GPATCH1: variants seen among roughly 807,000 people sequenced by gnomAD.
GPATCH1 encodes the protein G-patch domain containing 1, also known as G patch domain-containing protein 1.
GPATCH1 carries 73 observed loss-of-function variants against 114.9 expected under a neutral mutation model. The ratio of observed to expected loss-of-function variants is 0.64; its 90% CI spans 0.53 to 0.77. The LOEUF (loss-of-function observed/expected upper bound fraction) is 0.77. Among genes scored for constraint, GPATCH1 ranks in the 30% least tolerant of loss-of-function variants. The probability of loss-of-function intolerance (pLI) is 0.00; values close to 1 mark genes in which losing one functional copy is unlikely to be tolerated. For missense variants in GPATCH1, 1,058 were observed against 1,144.3 expected (o/e 0.92, Z 1.09); for synonymous variants, 391 against 428.4 (o/e 0.91, Z 1.08).
chr19:33,113,692 G>C, intron 13 of GPATCH1, 75 bp from the exon 14 acceptor site: 1 of 1,332,672 alleles, frequency 7.5e-7, no homozygotes, highest in African/African-American at 1.4e-5. Flanking sequence ...TGGAAAACTT[G>C]AGATGGAAAG....
chr19:33,107,826 C>CTT (rs1042779669), intron 10 of GPATCH1, among the ~76,000 whole-genome samples: 1 of 149,356 alleles, frequency 6.7e-6, no homozygotes, highest in African/African-American at 2.5e-5. Flanking sequence ...AGGCCTAATT[C>CTT]TTTTTTTTTT....
intron 9 of GPATCH1, among the ~76,000 whole-genome samples, chr19:33,105,567 A>G (rs905435073): frequency 1.3e-5 from 2 of 152,138 alleles, no homozygotes; most frequent in African/African-American, 2.4e-5. Context: ...TCTGTCACCC[A>G]GGCTGGAGTG....
At chr19:33,090,643 A>G (rs895388749) in intron 2 of GPATCH1, 137 bp from the exon 3 acceptor site, 3 of 591,224 alleles carry the variant, frequency 5.1e-6, no homozygotes, top group African/African-American at 1.8e-5. Context: ...AATTACGTCT[A>G]TATAAGCACT....
At chr19:33,104,347 G>GAA (rs1568343920) in intron 9 of GPATCH1, among the ~76,000 whole-genome samples, 7 of 140,550 alleles carry the variant, frequency 5.0e-5, no homozygotes, top group East Asian at 4.2e-4. Flanking sequence ...TCAAAAAAAA[G>GAA]AAAGAAATAC....
rs754190689 is a variant in GPATCH1, at chr19:33,117,806, T to C, written c.2197-19T>C. 3 of 1,582,736 alleles carry C rather than the reference T, an allele frequency of 1.9e-6. No homozygotes were observed. In the South Asian group the frequency reaches 3.3e-5, roughly 18 times the overall value. The stretch of plus-strand genomic sequence containing the variant: ...CCCTTGCCTCTGTATCCCTGACTCT[T>C]ATTTCACTGTCAATACAGACCGTCA... On this transcript the variant is annotated intron_variant, in intron 15 of 19. Transcript: ENST00000170564.
At chr19:33,110,092 T>C in intron 11 of GPATCH1, 76 bp downstream of exon 11, 2 of 1,240,600 alleles carry the variant, frequency 1.6e-6, no homozygotes, top group South Asian at 2.9e-5. Flanking sequence ...CCTAGACCCA[T>C]ATTTACAGTT....
intron 16 of GPATCH1, 97 bp from the exon 17 acceptor site, chr19:33,118,913 C>A: frequency 1.5e-6 from 1 of 684,602 alleles, no homozygotes; most frequent in Non-Finnish European, 2.5e-6. Context: ...GTGGTGTGGG[C>A]AAGCATATGT....
intron 17 of GPATCH1, among the ~76,000 whole-genome samples, chr19:33,120,871 T>TC (rs1430368937): frequency 6.6e-6 from 1 of 151,616 alleles, no homozygotes; most frequent in Non-Finnish European, 1.5e-5. Flanking sequence ...GTGCCTGTAG[T>TC]CCCAGCTGCT....
chr19:33,094,091 C>A, intron 4 of GPATCH1, 81 bp from the exon 5 acceptor site: 1 of 799,130 alleles, frequency 1.3e-6, no homozygotes, highest in Non-Finnish European at 2.2e-6. Flanking sequence ...AGGAACTGAG[C>A]AGGAACTCAG....
chr19:33,106,390 A>T (rs1004576588), intron 9 of GPATCH1, among the ~76,000 whole-genome samples: 2 of 152,162 alleles, frequency 1.3e-5, no homozygotes, highest in Non-Finnish European at 2.9e-5. Context: ...CCTGACATTT[A>T]TGATCTATTG....
chr19:33,100,984 T>C (rs1348677895), intron 8 of GPATCH1, among the ~76,000 whole-genome samples: 2 of 152,120 alleles, frequency 1.3e-5, no homozygotes, highest in African/African-American at 4.8e-5. Context: ...TCTGTGATCT[T>C]TATGTCTTGT....
intron 1 of GPATCH1, among the ~76,000 whole-genome samples, chr19:33,086,978 AAAAT>A (rs201783961): frequency 0.02 from 2,997 of 152,200 alleles, 79 homozygotes; most frequent in African/African-American, 0.069. Context: ...TCAAAAAAAA[AAAAT>A]AAATAAAGTA....
intron 3 of GPATCH1, among the ~76,000 whole-genome samples, chr19:33,092,169 C>A (rs1193891183): frequency 3.3e-5 from 5 of 151,894 alleles, no homozygotes; most frequent in Non-Finnish European, 7.4e-5. Context: ...GCCTCAGCTT[C>A]CCCCGAGTAG....
chr19:33,109,173 C>T (rs939057378), intron 10 of GPATCH1, among the ~76,000 whole-genome samples: 68 of 151,976 alleles, frequency 4.5e-4, no homozygotes, highest in African/African-American at 1.6e-3. Context: ...GCCATGATCA[C>T]ACCACCGTAC....
chr19:33,104,109 C>A (rs985137311), intron 9 of GPATCH1, among the ~76,000 whole-genome samples: 1 of 151,526 alleles, frequency 6.6e-6, no homozygotes, highest in African/African-American at 2.4e-5. Flanking sequence ...GCGGGCAGAT[C>A]GCTAGAGTCC....
chr19:33,092,288 T>G (rs1402591366), intron 3 of GPATCH1, among the ~76,000 whole-genome samples: 1 of 151,982 alleles, frequency 6.6e-6, no homozygotes, highest in East Asian at 1.9e-4. Flanking sequence ...TGACCTCAGG[T>G]GATCCACCCA....
chr19:33,130,426 A>G lies in GPATCH1; in HGVS notation c.*266A>G, dbSNP rs1389551221. 8.3e-6 allele frequency: 3 copies of G among 360,124 alleles called. No homozygotes were observed. Among genetic ancestry groups the G allele is most frequent in the Non-Finnish European group, 1.5e-5 (3 of 203,734 alleles). The allele number at this position is 360,124 out of a possible 1,614,324, so 22.3% of individuals were successfully genotyped here. A position where few individuals can be genotyped will look rare whatever the true frequency, so the allele number is the denominator to read the frequency against. ...TTTTCTATTTTCTTCTTGATTTTTA[A>G]AAAATTTCCTGGGACGTTAAAAAAG... is the stretch of plus-strand genomic sequence containing the variant. On this transcript the variant is annotated 3_prime_UTR_variant, in exon 20 of 20. Transcript: ENST00000170564.
chr19:33,117,929 A>C lies in GPATCH1; in HGVS notation c.2301A>C (p.Ser767=). 1 of 1,613,830 alleles carries C rather than the reference A, an allele frequency of 6.2e-7. No homozygotes were observed. Among genetic ancestry groups the C allele is most frequent in the South Asian group, 1.1e-5 (1 of 91,080 alleles). ...CCAGTTCCTCAGATGAAAAGTCCTC[A>C]TCCTCCGAGGATGAGCAAGGTGACA... The part of the protein sequence containing the change: ...IFASSSDEKS[S]SSEDEQGDSE... Residue 767 remains serine (S), a synonymous_variant, in exon 16 of 20, where the codon TCA becomes TCC. Coordinates refer to ENST00000170564, the MANE Select transcript of GPATCH1 (RefSeq NM_018025.3).
At chr19:33,118,238 C>T (rs910980386) in intron 16 of GPATCH1, among the ~76,000 whole-genome samples, 197 bp downstream of exon 16, 1 of 139,784 alleles carries the variant, frequency 7.2e-6, no homozygotes, top group Non-Finnish European at 1.5e-5. Context: ...AGTACAGTGG[C>T]GCAATCTTCG....
Sources: allele counts gnomAD v4.1 joint callset (sites outside exome capture counted in the v4.1 genomes callset), GRCh38; gene constraint gnomAD v4.1.1; transcripts MANE v1.5; gene names NCBI Gene and HGNC (gene_info 2026-07-23, HGNC 2026-07-21).